The following MGAT5 variants were observed in gnomAD, a reference collection of about 807,000 sequenced individuals.
MGAT5 encodes the protein alpha-1,6-mannosylglycoprotein 6-beta-N-acetylglucosaminyltransferase, also known as alpha-1,6-mannosylglycoprotein 6-beta-N-acetylglucosaminyltransferase A.
In MGAT5, 30 loss-of-function variants were observed where a neutral mutation model predicts 94.3. The ratio of observed to expected loss-of-function variants is 0.32; its 90% CI spans 0.24 to 0.43. The LOEUF (loss-of-function observed/expected upper bound fraction) is 0.43, where lower values mean the gene tolerates loss of function less well. Ranked by LOEUF, MGAT5 falls within the 20% of genes least tolerant of loss-of-function variation. The pLI, the probability that MGAT5 is intolerant of heterozygous loss-of-function variation, is 1.00. For missense variants in MGAT5, 691 were observed against 905.5 expected, an observed-to-expected ratio of 0.76 and a Z score of 3.04; for synonymous variants, 310 against 322.9, an observed-to-expected ratio of 0.96 and a Z score of 0.43.
At chr2:134,232,593 C>T (rs778120383) in intron 1 of MGAT5, among the ~76,000 whole-genome samples, 1 of 152,116 alleles carries the variant, frequency 6.6e-6, no homozygotes, top group Non-Finnish European at 1.5e-5. Flanking sequence ...CCCACGGACC[C>T]ATCCTTCCCC....
At chr2:134,166,739 G>A (rs1404062403) in intron 1 of MGAT5, among the ~76,000 whole-genome samples, 1 of 152,176 alleles carries the variant, frequency 6.6e-6, no homozygotes, top group Admixed American at 6.5e-5. Flanking sequence ...TTTAGGAAAT[G>A]TCTCTGAATG....
rs1684238314 is a variant in MGAT5 at position 134,420,574 on chromosome 2, G to A, written c.1678-2229G>A. On this transcript the variant is annotated intron_variant, in intron 12 of 15. Transcript: ENST00000281923. The stretch of plus-strand genomic sequence containing the variant: ...AGGATACAAAGAACAGTGGCTAAGG[G>A]AAAGACGGAGGGGTGCCAGTTAATT... Among the ~76,000 whole-genome samples, 3 of 152,260 alleles carry A rather than the reference G, an allele frequency of 2.0e-5. No homozygotes were observed. The South Asian group carries it at 6.2e-4, about 32-fold the overall frequency.
intron 1 of MGAT5, among the ~76,000 whole-genome samples, chr2:134,145,204 GTCTC>G (rs368067585): frequency 6.7e-6 from 1 of 148,344 alleles, no homozygotes; most frequent in Non-Finnish European, 1.5e-5. Context: ...GTGTGTGTGT[GTCTC>G]TCTCTCTGTG....
intron 1 of MGAT5, among the ~76,000 whole-genome samples, chr2:134,234,702 G>T (rs1461981711): frequency 6.6e-6 from 1 of 152,252 alleles, no homozygotes; most frequent in African/African-American, 2.4e-5. Flanking sequence ...GGTGGTGAAT[G>T]AGGGCTGGAA....
rs1558868369 is a variant in MGAT5, at chr2:134,413,157, T to C, written c.1677+142T>C. The C allele has an allele frequency of 1.1e-5, 10 of 911,420 alleles. No homozygotes were observed. The East Asian group carries it at 2.4e-4, about 22-fold the overall frequency. The allele number at this position is 911,420 out of a possible 1,614,324, so 56.5% of individuals were successfully genotyped here. A position where few individuals can be genotyped will look rare whatever the true frequency, so the allele number is the denominator to read the frequency against. On this transcript the variant is annotated intron_variant, in intron 12 of 15. Coordinates refer to ENST00000281923, the MANE Select transcript of MGAT5 (RefSeq NM_002410.5). ...AGGCTCAGAGAGGCAAATGACCTGA[T>C]CACATCACCTTGCAAGTTAGGGGCA...
chr2:134,304,889 A>G (rs1273026241), intron 2 of MGAT5, among the ~76,000 whole-genome samples: 1 of 152,154 alleles, frequency 6.6e-6, no homozygotes, highest in Non-Finnish European at 1.5e-5. Context: ...TCTGGTTTTT[A>G]AGAGGCATCC....
chr2:134,147,745 A>G (rs953324434), intron 1 of MGAT5, among the ~76,000 whole-genome samples: 5 of 152,284 alleles, frequency 3.3e-5, no homozygotes, highest in African/African-American at 1.2e-4. Context: ...AGCAAGTCCT[A>G]TGACTGTGTT....
At chr2:134,259,428 G>A (rs970784395) in intron 1 of MGAT5, among the ~76,000 whole-genome samples, 1 of 152,192 alleles carries the variant, frequency 6.6e-6, no homozygotes, top group African/African-American at 2.4e-5. Flanking sequence ...GACAAACCCG[G>A]TCCACTTGTG....
chr2:134,426,241 C>G (rs1684582448), intron 13 of MGAT5, among the ~76,000 whole-genome samples: 1 of 152,172 alleles, frequency 6.6e-6, no homozygotes, highest in African/African-American at 2.4e-5. Context: ...TTCCTTCCGT[C>G]CCTCCATCTC....
intron 1 of MGAT5, among the ~76,000 whole-genome samples, chr2:134,161,005 G>A (rs1687707339): frequency 6.6e-6 from 1 of 152,244 alleles, no homozygotes; most frequent in South Asian, 2.1e-4. Flanking sequence ...ACATCTGTGA[G>A]CCCCGCGGCA....
intron 1 of MGAT5, among the ~76,000 whole-genome samples, chr2:134,141,838 C>T (rs11675416): frequency 0.14 from 21,881 of 152,206 alleles, 2,318 homozygotes; most frequent in Non-Finnish European, 0.22. Context: ...GGGGATGGGG[C>T]GAGGTCAGGA....
At chr2:134,305,343 C>A (rs995423162) in intron 2 of MGAT5, among the ~76,000 whole-genome samples, 3 of 152,098 alleles carry the variant, frequency 2.0e-5, no homozygotes, top group African/African-American at 7.2e-5. Flanking sequence ...AGATAGAATC[C>A]CTGTTTCTAA....
Position 134,316,574 on chromosome 2 carries a change from T to C in MGAT5, c.407-955T>C, listed in dbSNP as rs552059649. On this transcript the variant is annotated intron_variant, in intron 2 of 15. Coordinates refer to ENST00000281923, the MANE Select transcript of MGAT5 (RefSeq NM_002410.5). ...TAGACCGTAAGCTTCATTTAATTTT[T>C]TTTAAATCGACATAATTACACATAT... Among the ~76,000 whole-genome samples, 6 of 152,322 alleles carry C rather than the reference T, an allele frequency of 3.9e-5. No individual in the cohort carries two copies. In the South Asian group the frequency reaches 1.2e-3, roughly 32 times the overall value.
At chr2:134,292,940 C>G (rs541112592) in intron 2 of MGAT5, among the ~76,000 whole-genome samples, 2 of 152,204 alleles carry the variant, frequency 1.3e-5, no homozygotes, top group African/African-American at 4.8e-5. Context: ...AAGGTGGGGT[C>G]TCCAAACAGA....
intron 2 of MGAT5, among the ~76,000 whole-genome samples, chr2:134,315,638 T>G (rs562864400): frequency 4.0e-4 from 61 of 152,352 alleles, no homozygotes; most frequent in African/African-American, 1.4e-3. Flanking sequence ...ATGCCAACTT[T>G]TAAGCACCTG....
intron 1 of MGAT5, among the ~76,000 whole-genome samples, chr2:134,185,305 C>A (rs989553167): frequency 6.6e-6 from 1 of 152,190 alleles, no homozygotes; most frequent in South Asian, 2.1e-4. Flanking sequence ...GCCTTTCAAT[C>A]CCCTATCTTT....
intron 12 of MGAT5, among the ~76,000 whole-genome samples, chr2:134,414,714 A>G (rs1278210348): frequency 6.6e-6 from 1 of 152,216 alleles, no homozygotes; most frequent in Non-Finnish European, 1.5e-5. Flanking sequence ...GTTCTCCAGA[A>G]CTTAATCAAC....
At position 134,444,000 on chromosome 2, in the gene MGAT5, T is replaced by C. The variant is rs112772409; in HGVS notation, c.2027+2085T>C. Among the ~76,000 whole-genome samples the C allele has an allele frequency of 9.9e-5, 15 of 152,234 alleles. 1 individual carries two copies. Among genetic ancestry groups the C allele is most frequent in the African/African-American group, 3.6e-4 (15 of 41,540 alleles). On this transcript the variant is annotated intron_variant, in intron 15 of 15. Transcript: ENST00000281923. ...CTCAGGGTCTGGCTCAGAGCTAGCATGGGGCCCTACAAAGGCAGGCCACCT... is the reference window on the plus strand; with the variant it reads ...CTCAGGGTCTGGCTCAGAGCTAGCACGGGGCCCTACAAAGGCAGGCCACCT...
intron 1 of MGAT5, among the ~76,000 whole-genome samples, chr2:134,121,110 G>T (rs893733159): frequency 5.3e-5 from 8 of 152,198 alleles, no homozygotes; most frequent in Non-Finnish European, 1.0e-4. Context: ...CTAGGGAGAC[G>T]TGGGCGCCGC....
Sources: allele counts gnomAD v4.1 joint callset (sites outside exome capture counted in the v4.1 genomes callset), GRCh38; gene constraint gnomAD v4.1.1; transcripts MANE v1.5; gene names NCBI Gene and HGNC (gene_info 2026-07-23, HGNC 2026-07-21).